The following MIER2 variants were observed in gnomAD, a reference collection of about 807,000 sequenced individuals.
The protein encoded by MIER2 is MIER family member 2, also known as mesoderm induction early response protein 2.
In MIER2, 30 loss-of-function variants were observed where a neutral mutation model predicts 67.6. The ratio of observed to expected loss-of-function variants is 0.44; its 90% CI spans 0.33 to 0.60. The LOEUF is 0.60. Ranked by LOEUF, MIER2 falls within the 20% of genes least tolerant of loss-of-function variation. The pLI, the probability that MIER2 is intolerant of heterozygous loss-of-function variation, is 0.02. For missense variants in MIER2, 702 were observed against 745.1 expected (o/e 0.94, Z 0.67); for synonymous variants, 372 against 312.6 (o/e 1.19, Z -2.00).
chr19:306,856 G>A, intron 13 of MIER2, 145 bp from the exon 14 acceptor site: 2 of 1,340,184 alleles, frequency 1.5e-6, no homozygotes, highest in East Asian at 2.5e-5. Context: ...TGCCCTGAGG[G>A]GAGCTGGTGG....
intron 1 of MIER2, among the ~76,000 whole-genome samples, chr19:338,491 G>C (rs1358097306): frequency 6.6e-6 from 1 of 152,152 alleles, no homozygotes; most frequent in African/African-American, 2.4e-5. Context: ...ACAACATTAA[G>C]ACGGCAACAC....
chr19:324,046 T>C (rs1971617302), intron 7 of MIER2, among the ~76,000 whole-genome samples: 2 of 131,724 alleles, frequency 1.5e-5, no homozygotes, highest in Non-Finnish European at 3.2e-5. Flanking sequence ...ACAGGCGTCA[T>C]CACAATGCAA....
intron 3 of MIER2, among the ~76,000 whole-genome samples, chr19:330,690 G>T (rs577937721): frequency 6.6e-6 from 1 of 152,142 alleles, no homozygotes; most frequent in African/African-American, 2.4e-5. Flanking sequence ...GGCCGTGAGG[G>T]TGGGGCCCTG....
intron 8 of MIER2, 86 bp from the exon 9 acceptor site, chr19:312,358 CA>C: frequency 7.4e-7 from 1 of 1,353,690 alleles, no homozygotes; most frequent in Non-Finnish European, 1.0e-6. Flanking sequence ...CGAGTGGCAT[CA>C]GGGGCCGTCC....
Position 338,631 on chromosome 19 carries a change from A to T in MIER2, c.10-2458T>A, listed in dbSNP as rs72986429. Among the ~76,000 whole-genome samples the T allele has an allele frequency of 4.1e-3, 621 of 152,338 alleles. 1 individual carries two copies. The highest frequency in any genetic ancestry group is 7.2e-3 in the Non-Finnish European group (493 of 68,030). ...CCCCAAACAGCCCAAACAATCTTGAAACAATACTTCCTGATTTCAAAATTC... is the reference window on the plus strand; with the variant it reads ...CCCCAAACAGCCCAAACAATCTTGATACAATACTTCCTGATTTCAAAATTC... On this transcript the variant is annotated intron_variant, in intron 1 of 13. Transcript: ENST00000264819.
chr19:317,800 G>T (rs1179640304), intron 7 of MIER2, among the ~76,000 whole-genome samples: 1 of 150,322 alleles, frequency 6.7e-6, no homozygotes, highest in Admixed American at 6.6e-5. Context: ...CAAAGAGCAA[G>T]ATGGTGGCAT....
At chr19:321,831 G>T (rs2145434437) in intron 7 of MIER2, among the ~76,000 whole-genome samples, 1 of 152,298 alleles carries the variant, frequency 6.6e-6, no homozygotes, top group South Asian at 2.1e-4. Flanking sequence ...ACAGGCACCT[G>T]ATTTACCACA....
At chr19:317,324 G>A (rs969286765) in intron 7 of MIER2, among the ~76,000 whole-genome samples, 1 of 151,914 alleles carries the variant, frequency 6.6e-6, no homozygotes, top group Non-Finnish European at 1.5e-5. Flanking sequence ...TCAGGAGATC[G>A]AGACCACCCG....
chr19:335,870 G>A (rs890060462), intron 2 of MIER2, among the ~76,000 whole-genome samples: 9 of 152,260 alleles, frequency 5.9e-5, no homozygotes, highest in South Asian at 4.2e-4. Context: ...GTCTTGGGTC[G>A]CCTGGGCTCC....
chr19:327,615 A>T (rs1301064963), intron 4 of MIER2, among the ~76,000 whole-genome samples: 1 of 152,232 alleles, frequency 6.6e-6, no homozygotes, highest in Non-Finnish European at 1.5e-5. Flanking sequence ...CAGAGAGACC[A>T]GTCCTGGGGA....
At chr19:327,773 C>T in intron 4 of MIER2, 91 bp downstream of exon 4, 1 of 1,543,608 alleles carries the variant, frequency 6.5e-7, no homozygotes, top group South Asian at 1.2e-5. Context: ...CTTTGTGCCT[C>T]CTCTCACTGA....
At chr19:341,287 C>T (rs1972488402) in intron 1 of MIER2, among the ~76,000 whole-genome samples, 1 of 143,094 alleles carries the variant, frequency 7.0e-6, no homozygotes, top group African/African-American at 2.6e-5. Context: ...GGCAAGTTGA[C>T]AACAGTCCCG....
intron 2 of MIER2, 103 bp from the exon 3 acceptor site, chr19:334,645 T>C: frequency 1.4e-6 from 2 of 1,462,930 alleles, no homozygotes; most frequent in South Asian, 1.3e-5. Context: ...TGAGGCCCTC[T>C]GCATGCTGCC....
intron 7 of MIER2, among the ~76,000 whole-genome samples, chr19:315,221 C>A (rs373460709): frequency 6.6e-6 from 1 of 152,010 alleles, no homozygotes; most frequent in African/African-American, 2.4e-5. Flanking sequence ...AAAAATTAGC[C>A]GGGCGTGGTC....
rs895112856 is a variant in MIER2 at position 308,110 on chromosome 19, C to T, written c.1198+467G>A. Among the ~76,000 whole-genome samples the T allele has an allele frequency of 2.0e-5, 3 of 152,160 alleles. No homozygotes were observed. The highest frequency in any genetic ancestry group is 7.2e-5 in the African/African-American group (3 of 41,422). On this transcript the variant is annotated intron_variant, in intron 12 of 13. Coordinates refer to ENST00000264819, the MANE Select transcript of MIER2 (RefSeq NM_017550.3). The surrounding 1 kb of genome is among the most constrained non-coding windows in gnomAD (Gnocchi z 9.1). ...CCCTCCCCGTGTGGGTCTCCACCTT[C>T]GGACGCCACATCAGACACCACCATC...
intron 12 of MIER2, 76 bp from the exon 13 acceptor site, chr19:307,612 C>T: frequency 7.1e-6 from 10 of 1,403,268 alleles, no homozygotes; most frequent in Non-Finnish European, 8.4e-6. Context: ...CCTAACTTTG[C>T]TGGGTCCAGC....
intron 3 of MIER2, among the ~76,000 whole-genome samples, chr19:332,627 G>C (rs917878784): frequency 1.7e-5 from 2 of 120,642 alleles, no homozygotes; most frequent in East Asian, 2.4e-4. Flanking sequence ...GTACAGACAG[G>C]GTTTCACTAC....
At chr19:328,131 C>G in intron 3 of MIER2, 142 bp from the exon 4 acceptor site, 2 of 1,147,594 alleles carry the variant, frequency 1.7e-6, no homozygotes, top group South Asian at 1.6e-5. Context: ...GCAGCACTCC[C>G]CAGCCAGACC....
chr19:307,396 G>A lies in MIER2; in HGVS notation c.1339C>T (p.Pro447Ser), dbSNP rs141660366. Residue 447 changes from proline to serine, a missense_variant, in exon 13 of 14, where the codon CCA (proline) becomes TCA (serine). Around this residue, in one of 3 missense-constraint regions of MIER2, gnomAD observed 254 missense variants for 262.8 expected, o/e 0.97. Coordinates refer to ENST00000264819, the MANE Select transcript of MIER2 (RefSeq NM_017550.3). Reference protein sequence around the residue: ...SPAVPLSHRPPALADPASYQP... With the variant: ...SPAVPLSHRPSALADPASYQP... ...TATGAGGCTGGGTCGGCCAGGGCTG[G>A]GGGCCGATGGGACAGGGGTACAGCG... The A allele has an allele frequency of 1.4e-5, 22 of 1,607,464 alleles. No individual in the cohort carries two copies. Among genetic ancestry groups the A allele is most frequent in the Non-Finnish European group, 1.7e-5 (20 of 1,178,216 alleles).
Sources: allele counts gnomAD v4.1 joint callset (sites outside exome capture counted in the v4.1 genomes callset), GRCh38; gene constraint gnomAD v4.1.1; regional missense constraint gnomAD v4.1.1; non-coding constraint Gnocchi (gnomAD v3.1); transcripts MANE v1.5; gene names NCBI Gene and HGNC (gene_info 2026-07-23, HGNC 2026-07-21).